The following CAMKMT variants were observed in gnomAD, a reference collection of about 807,000 sequenced individuals.
CAMKMT encodes CaM KMT.
Under a neutral mutation model 48.0 loss-of-function variants are expected in CAMKMT, and 53 were observed. The ratio of observed to expected loss-of-function variants is 1.10; its 90% CI spans 0.89 to 1.39. The LOEUF (loss-of-function observed/expected upper bound fraction) is 1.39, where lower values mean the gene tolerates loss of function less well. CAMKMT is among the 40% of genes most tolerant of loss of function. The pLI is 0.00. For missense variants in CAMKMT, 428 were observed against 402.7 expected (o/e 1.06, Z -0.54); for synonymous variants, 165 against 152.3 (o/e 1.08, Z -0.61).
chr2:44,467,540 A>AG (rs544628100), intron 3 of CAMKMT, among the ~76,000 whole-genome samples: 2 of 105,302 alleles, frequency 1.9e-5, no homozygotes, highest in Non-Finnish European at 4.9e-5. Flanking sequence ...ACTCTGTCTC[A>AG]GAAAAAAAAA....
At chr2:44,635,869 C>A (rs1673101189) in intron 3 of CAMKMT, among the ~76,000 whole-genome samples, 1 of 152,176 alleles carries the variant, frequency 6.6e-6, no homozygotes, top group African/African-American at 2.4e-5. Context: ...AGTTGGTATT[C>A]CCTGCAGTGA....
intron 7 of CAMKMT, among the ~76,000 whole-genome samples, chr2:44,740,451 T>G (rs1443751184): frequency 6.6e-6 from 1 of 152,066 alleles, no homozygotes; most frequent in Non-Finnish European, 1.5e-5. Flanking sequence ...ATTTTGACAG[T>G]AAAGCAAGAA....
In CAMKMT at chr2:44,772,145, A is replaced by G; in HGVS notation, c.*32A>G. ...AAGCTTCTCAAAGACGAAGAAACGT[A>G]TCAAGTGCATAGGGAATATTTTTAC... is the stretch of plus-strand genomic sequence containing the variant. On this transcript the variant is annotated 3_prime_UTR_variant, in exon 11 of 11. Transcript: ENST00000378494. The G allele has an allele frequency of 1.9e-6, 3 of 1,552,328 alleles. No individual in the cohort carries two copies. The highest frequency in any genetic ancestry group is 8.9e-7 in the Non-Finnish European group (1 of 1,126,906).
intron 2 of CAMKMT, among the ~76,000 whole-genome samples, chr2:44,379,498 T>C (rs990658341): frequency 2.0e-4 from 31 of 152,242 alleles, no homozygotes; most frequent in Admixed American, 2.0e-3. Context: ...CTATTTTTCA[T>C]AGGGCTGTAC....
chr2:44,706,282 T>C lies in CAMKMT; in HGVS notation c.438-5T>C. On this transcript the variant is annotated splice_region_variant and splice_polypyrimidine_tract_variant and intron_variant, in intron 4 of 10. Coordinates refer to ENST00000378494, the MANE Select transcript of CAMKMT (RefSeq NM_024766.5). ...GGGTTCTACCATTTCTTTTCTCTCT[T>C]TCAGGGCCCTTGCTGTGTGTGAGCT... The C allele has an allele frequency of 6.2e-7, 1 of 1,613,334 alleles. No individual in the cohort carries two copies. Among genetic ancestry groups the C allele is most frequent in the Non-Finnish European group, 8.5e-7 (1 of 1,179,458 alleles).
At chr2:44,593,128 G>A (rs547725274) in intron 3 of CAMKMT, among the ~76,000 whole-genome samples, 3 of 152,128 alleles carry the variant, frequency 2.0e-5, no homozygotes, top group Non-Finnish European at 2.9e-5. Flanking sequence ...TTGTTAGGTG[G>A]GACCAGCAAT....
At chr2:44,499,588 C>G (rs1413404126) in intron 3 of CAMKMT, among the ~76,000 whole-genome samples, 1 of 152,188 alleles carries the variant, frequency 6.6e-6, no homozygotes, top group African/African-American at 2.4e-5. Flanking sequence ...ACATTATTAT[C>G]TTATATCCTT....
At chr2:44,488,961 G>T (rs1240432158) in intron 3 of CAMKMT, among the ~76,000 whole-genome samples, 1 of 151,756 alleles carries the variant, frequency 6.6e-6, no homozygotes, top group Non-Finnish European at 1.5e-5. Context: ...GAACTCGTGG[G>T]CTCAAGGGAT....
At chr2:44,373,381 C>G (rs1320531257) in intron 2 of CAMKMT, among the ~76,000 whole-genome samples, 1 of 152,136 alleles carries the variant, frequency 6.6e-6, no homozygotes, top group Non-Finnish European at 1.5e-5. Flanking sequence ...AGCATATGGA[C>G]TGTTCTGACT....
At chr2:44,530,182 G>A (rs1434152658) in intron 3 of CAMKMT, among the ~76,000 whole-genome samples, 1 of 152,162 alleles carries the variant, frequency 6.6e-6, no homozygotes, top group East Asian at 1.9e-4. Flanking sequence ...GGTAGTGAAT[G>A]TGAGGGAAAT....
intron 3 of CAMKMT, among the ~76,000 whole-genome samples, chr2:44,638,734 A>C (rs1278607635): frequency 6.6e-6 from 1 of 152,210 alleles, no homozygotes; most frequent in African/African-American, 2.4e-5. Flanking sequence ...TGTTGGGTCC[A>C]GAAGAAAAAT....
intron 3 of CAMKMT, among the ~76,000 whole-genome samples, chr2:44,437,845 A>C (rs11902773): frequency 0.13 from 19,635 of 151,298 alleles, 2,167 homozygotes; most frequent in African/African-American, 0.29. Flanking sequence ...CTACAAAAAA[A>C]AAAAAAAAAA....
rs183323817 is a variant in CAMKMT at position 44,564,279 on chromosome 2, G to T, written c.377-140004G>T. ...TAACCTCCGCCTTCCGGGTTCAAGC[G>T]ATTCTCCTGCCTCAGCCTCCCAAGT... On this transcript the variant is annotated intron_variant, in intron 3 of 10. Coordinates refer to ENST00000378494, the MANE Select transcript of CAMKMT (RefSeq NM_024766.5). Among the ~76,000 whole-genome samples the T allele has an allele frequency of 6.6e-5, 10 of 151,262 alleles. No homozygotes were observed. The East Asian group carries it at 2.0e-3, about 29-fold the overall frequency.
intron 2 of CAMKMT, among the ~76,000 whole-genome samples, chr2:44,377,898 T>C (rs1679856421): frequency 6.6e-6 from 1 of 152,068 alleles, no homozygotes; most frequent in African/African-American, 2.4e-5. Flanking sequence ...GTTATATAGC[T>C]TGTGAATGTT....
chr2:44,771,699 G>C (rs1681119839), intron 10 of CAMKMT, among the ~76,000 whole-genome samples: 1 of 152,100 alleles, frequency 6.6e-6, no homozygotes, highest in Non-Finnish European at 1.5e-5. Context: ...GGTACAGAGA[G>C]CAGAAACTTC....
intron 3 of CAMKMT, among the ~76,000 whole-genome samples, chr2:44,391,618 T>C (rs1167508807): frequency 6.6e-6 from 1 of 152,172 alleles, no homozygotes; most frequent in Non-Finnish European, 1.5e-5. Context: ...GAATGTTAAA[T>C]GTGGAATTTT....
intron 9 of CAMKMT, among the ~76,000 whole-genome samples, chr2:44,756,548 TG>T (rs756360539): frequency 6.6e-6 from 1 of 151,920 alleles, no homozygotes; most frequent in Non-Finnish European, 1.5e-5. Context: ...GAGACCATCC[TG>T]GCTAATATGG....
At chr2:44,422,719 ACATCT>A (rs1348433124) in intron 3 of CAMKMT, among the ~76,000 whole-genome samples, 1 of 151,896 alleles carries the variant, frequency 6.6e-6, no homozygotes, top group Non-Finnish European at 1.5e-5. Flanking sequence ...TAATTTTCAA[ACATCT>A]CAACAGCCAG....
chr2:44,648,664 T>C (rs542838371), intron 3 of CAMKMT, among the ~76,000 whole-genome samples: 4 of 152,364 alleles, frequency 2.6e-5, no homozygotes, highest in African/African-American at 7.2e-5. Context: ...CATCACTTAC[T>C]AACCTTGGGT....
Sources: allele counts gnomAD v4.1 joint callset (sites outside exome capture counted in the v4.1 genomes callset), GRCh38; gene constraint gnomAD v4.1.1; transcripts MANE v1.5; gene names NCBI Gene and HGNC (gene_info 2026-07-23, HGNC 2026-07-21).